Variants in ASCC3 observed in about 807,000 individuals in gnomAD.
The protein encoded by ASCC3 is activating signal cointegrator 1 complex subunit 3, also known as ASC-1 complex subunit P200.
In ASCC3, 158 loss-of-function variants were observed where a neutral mutation model predicts 256.3. That is an observed-to-expected ratio of 0.62 (90% CI 0.54 to 0.70). The LOEUF is 0.70. Ranked by LOEUF, ASCC3 falls within the 30% of genes least tolerant of loss-of-function variation. The probability of loss-of-function intolerance (pLI) is 0.00; values close to 1 mark genes in which losing one functional copy is unlikely to be tolerated. For missense variants in ASCC3, 2,259 were observed against 2,626.0 expected (o/e 0.86, Z 3.05); for synonymous variants, 948 against 883.4 (o/e 1.07, Z -1.30).
At chr6:100,858,839 C>T (rs1454487539) in intron 3 of ASCC3, 4 of 540,354 alleles carry the variant, frequency 7.4e-6, no homozygotes, top group Non-Finnish European at 1.2e-5. Context: ...CAGATTTCTC[C>T]AACGGCCCCA....
chr6:100,747,210 T>C (rs903544739), intron 10 of ASCC3, among the ~76,000 whole-genome samples: 5 of 150,820 alleles, frequency 3.3e-5, no homozygotes, highest in African/African-American at 4.9e-5. Flanking sequence ...AACCAGATGA[T>C]ACTACACACC....
chr6:100,642,161 TA>T (rs558336661), intron 24 of ASCC3, among the ~76,000 whole-genome samples: 3,787 of 140,474 alleles, frequency 0.027, 64 homozygotes, highest in African/African-American at 0.036. Context: ...GTTAAAGTAT[TA>T]AAAAAAAAAA....
chr6:100,615,604 A>G (rs1278121126), intron 30 of ASCC3, among the ~76,000 whole-genome samples: 2 of 152,216 alleles, frequency 1.3e-5, no homozygotes, highest in African/African-American at 2.4e-5. Context: ...TACTCTATAT[A>G]AATACATCAC....
intron 10 of ASCC3, among the ~76,000 whole-genome samples, chr6:100,759,856 T>C (rs997066815): frequency 2.0e-5 from 3 of 152,188 alleles, no homozygotes; most frequent in South Asian, 4.1e-4. Flanking sequence ...TAGTTCTCCT[T>C]GAAGAGGTCC....
chr6:100,793,236 T>C (rs1769438488), intron 8 of ASCC3, among the ~76,000 whole-genome samples: 1 of 152,052 alleles, frequency 6.6e-6, no homozygotes, highest in South Asian at 2.1e-4. Flanking sequence ...ACTTTTACTT[T>C]GGCTTTACTT....
intron 34 of ASCC3, among the ~76,000 whole-genome samples, chr6:100,600,779 A>C (rs1772568713): frequency 6.6e-6 from 1 of 152,066 alleles, no homozygotes; most frequent in Admixed American, 6.6e-5. Flanking sequence ...GTAGCTTCCT[A>C]ACTGGCCTTC....
chr6:100,528,058 C>T (rs558800067), intron 37 of ASCC3, among the ~76,000 whole-genome samples: 6 of 151,728 alleles, frequency 4.0e-5, no homozygotes, highest in Middle Eastern at 3.4e-3. Flanking sequence ...AGGCTGTTCT[C>T]GAATTCCTGG....
chr6:100,749,026 T>C (rs1028533590), intron 10 of ASCC3, among the ~76,000 whole-genome samples: 1 of 152,060 alleles, frequency 6.6e-6, no homozygotes, highest in Non-Finnish European at 1.5e-5. Flanking sequence ...ATGTGACTGA[T>C]AAATATGAAT....
In ASCC3 at chr6:100,608,099, CAT is replaced by C. The variant is rs1304233286; in HGVS notation, c.4786-1013_4786-1012del. On this transcript the variant is annotated intron_variant, in intron 30 of 41. Transcript: ENST00000369162. ...ATATATGTATATATATCTATATACA[CAT>C]ATATATGTATATATATCTATATATA... is the stretch of plus-strand genomic sequence containing the variant. Among the ~76,000 whole-genome samples the C allele has an allele frequency of 3.9e-4, 46 of 118,394 alleles. 1 individual carries two copies. Among genetic ancestry groups the C allele is most frequent in the African/African-American group, 1.4e-3 (41 of 29,508 alleles). The allele number at this position is 118,394 out of a possible 152,430, so 77.7% of individuals were successfully genotyped here.
intron 8 of ASCC3, among the ~76,000 whole-genome samples, chr6:100,771,221 T>C (rs1420323956): frequency 6.6e-6 from 1 of 152,068 alleles, no homozygotes; most frequent in Non-Finnish European, 1.5e-5. Context: ...AACAAATGGA[T>C]ATACACGTTA....
At chr6:100,665,184 G>A (rs1024836932) in intron 14 of ASCC3, among the ~76,000 whole-genome samples, 4 of 152,106 alleles carry the variant, frequency 2.6e-5, no homozygotes, top group Non-Finnish European at 4.4e-5. Context: ...ACCAGCATCA[G>A]TGGCCAGTTT....
intron 37 of ASCC3, among the ~76,000 whole-genome samples, chr6:100,534,818 A>G (rs896025854): frequency 4.6e-5 from 7 of 152,226 alleles, no homozygotes; most frequent in Non-Finnish European, 1.0e-4. Flanking sequence ...AGGAGGAATA[A>G]TTCTACTACA....
In ASCC3 at chr6:100,704,473, G is replaced by T. The variant is rs538609243; in HGVS notation, c.2151+10989C>A. On this transcript the variant is annotated intron_variant, in intron 13 of 41. Coordinates refer to ENST00000369162, the MANE Select transcript of ASCC3 (RefSeq NM_006828.4). ...TTTATAGGCAAAGGGCCAATGGAAA[G>T]TTTCATTATTTAAGTTAGCATGATG... Among the ~76,000 whole-genome samples, 55 of 152,014 alleles carry T rather than the reference G, an allele frequency of 3.6e-4. No individual in the cohort carries two copies. The South Asian group carries it at 3.7e-3, about 10-fold the overall frequency.
chr6:100,583,359 T>C (rs886465442), intron 36 of ASCC3, among the ~76,000 whole-genome samples: 7 of 152,126 alleles, frequency 4.6e-5, no homozygotes, highest in African/African-American at 1.4e-4. Context: ...TCTAGATTTT[T>C]GAGTTTATTT....
intron 37 of ASCC3, among the ~76,000 whole-genome samples, 157 bp downstream of exon 37, chr6:100,540,006 T>C (rs1775367541): frequency 6.6e-6 from 1 of 152,164 alleles, no homozygotes; most frequent in African/African-American, 2.4e-5. Context: ...TTATATTTGC[T>C]TTTACTTTGG....
chr6:100,857,494 T>G (rs1773005504), intron 3 of ASCC3: 1 of 152,050 alleles, frequency 6.6e-6, no homozygotes, highest in African/African-American at 2.4e-5. Context: ...TTTTAGAAGA[T>G]GTATTGTTTT....
rs369393568 is a variant in ASCC3 at position 100,628,405 on chromosome 6, TA to T, written c.4376-419del. On this transcript the variant is annotated intron_variant, in intron 27 of 41. Transcript: ENST00000369162. ...CAAAATTGCTAAATTGCAAAATTGC[TA>T]ATTGCATGTTTAACTGTAATCTCCA... is the stretch of plus-strand genomic sequence containing the variant. Among the ~76,000 whole-genome samples the T allele has an allele frequency of 5.9e-4, 90 of 152,306 alleles. No homozygotes were observed. The East Asian group carries it at 0.017, about 28-fold the overall frequency.
At chr6:100,640,228 A>G (rs980479450) in intron 24 of ASCC3, among the ~76,000 whole-genome samples, 2 of 148,086 alleles carry the variant, frequency 1.4e-5, no homozygotes, top group East Asian at 3.9e-4. Flanking sequence ...AGACTAAAAA[A>G]TAAATAAATA....
chr6:100,544,888 C>T (rs973225301), intron 36 of ASCC3, among the ~76,000 whole-genome samples: 4 of 152,140 alleles, frequency 2.6e-5, no homozygotes, highest in Non-Finnish European at 5.9e-5. Flanking sequence ...AAATATCTCT[C>T]ATAAACGTAA....
Sources: allele counts gnomAD v4.1 joint callset (sites outside exome capture counted in the v4.1 genomes callset), GRCh38; gene constraint gnomAD v4.1.1; transcripts MANE v1.5; gene names NCBI Gene and HGNC (gene_info 2026-07-23, HGNC 2026-07-21).